The following NTRK3 variants were observed in gnomAD, a reference collection of about 807,000 sequenced individuals.
The protein encoded by NTRK3 is NT-3 growth factor receptor.
Under a neutral mutation model 91.7 loss-of-function variants are expected in NTRK3, and 24 were observed. That is an observed-to-expected ratio of 0.26 (90% CI 0.19 to 0.37). The LOEUF is 0.37. Ranked by LOEUF, NTRK3 falls within the 10% of genes least tolerant of loss-of-function variation. The pLI is 1.00. For synonymous variants in NTRK3, 483 were observed against 404.0 expected, an observed-to-expected ratio of 1.20 and a Z score of -2.34; for missense variants, 880 against 1,068.9, an observed-to-expected ratio of 0.82 and a Z score of 2.46.
chr15:88,041,142 T>G (rs188552037), intron 13 of NTRK3, among the ~76,000 whole-genome samples: 1 of 152,204 alleles, frequency 6.6e-6, no homozygotes, highest in Non-Finnish European at 1.5e-5. Flanking sequence ...TCCCCTGTGA[T>G]TGGGGCTAAA....
intron 17 of NTRK3, 113 bp from the exon 19 acceptor site, chr15:87,880,541 G>C (rs1403072129): frequency 5.6e-6 from 7 of 1,241,564 alleles, no homozygotes; most frequent in Non-Finnish European, 8.0e-6. Flanking sequence ...TTCTAAGATA[G>C]TCACAGCTTT....
intron 5 of NTRK3, among the ~76,000 whole-genome samples, chr15:88,176,192 A>C (rs1329209817): frequency 7.7e-6 from 1 of 129,954 alleles, no homozygotes; most frequent in African/African-American, 3.1e-5. Flanking sequence ...GCTGGAGCCC[A>C]GTGGCATGAT....
At chr15:87,938,738 A>G (rs1329349736) in intron 15 of NTRK3, among the ~76,000 whole-genome samples, 2 of 152,158 alleles carry the variant, frequency 1.3e-5, no homozygotes, top group East Asian at 3.8e-4. Flanking sequence ...CACCCCGTGG[A>G]TTAGTGTCAT....
chr15:88,157,602 C>T (rs753143422), intron 5 of NTRK3, among the ~76,000 whole-genome samples: 5 of 151,932 alleles, frequency 3.3e-5, no homozygotes, highest in African/African-American at 4.8e-5. Context: ...CAAACCTTCA[C>T]GTCTCTGCGC....
At chr15:88,127,070 T>G (rs936722973) in intron 12 of NTRK3, 92 bp downstream of exon 12, 6 of 1,129,402 alleles carry the variant, frequency 5.3e-6, no homozygotes, top group African/African-American at 1.5e-5. Context: ...AAGTTTCAAG[T>G]AAGATAATAT....
At chr15:88,195,113 G>T (rs1033823189) in intron 3 of NTRK3, among the ~76,000 whole-genome samples, 1 of 152,114 alleles carries the variant, frequency 6.6e-6, no homozygotes, top group Admixed American at 6.5e-5. Context: ...GGTGTCTAGC[G>T]GGGTGAGGCC....
intron 13 of NTRK3, among the ~76,000 whole-genome samples, chr15:88,113,816 A>G (rs2051725668): frequency 6.6e-6 from 1 of 152,192 alleles, no homozygotes; most frequent in African/African-American, 2.4e-5. Flanking sequence ...ATGGCCAGCA[A>G]AGTCTAAAAT....
At chr15:88,067,947 C>T (rs765837317) in intron 13 of NTRK3, among the ~76,000 whole-genome samples, 23 of 152,056 alleles carry the variant, frequency 1.5e-4, no homozygotes, top group African/African-American at 5.6e-4. Context: ...GTTGTTATAC[C>T]TTTTACAGCA....
chr15:88,159,083 A>T (rs951461378), intron 5 of NTRK3, among the ~76,000 whole-genome samples: 2 of 152,210 alleles, frequency 1.3e-5, no homozygotes, highest in Non-Finnish European at 2.9e-5. Context: ...GGGTCCCCAA[A>T]GGCTGGTGGG....
chr15:87,902,191 T>C (rs2066496723), intron 17 of NTRK3, among the ~76,000 whole-genome samples: 1 of 152,162 alleles, frequency 6.6e-6, no homozygotes, highest in Non-Finnish European at 1.5e-5. Context: ...ATAGACAGAT[T>C]GGAAAAAAGA....
At chr15:88,116,866 AC>A (rs1393562788) in intron 13 of NTRK3, among the ~76,000 whole-genome samples, 6 of 152,196 alleles carry the variant, frequency 3.9e-5, no homozygotes, top group Non-Finnish European at 7.3e-5. Context: ...AATTGCTTGT[AC>A]CCCAATCACC....
At chr15:88,141,904 G>T (rs892870909) in intron 6 of NTRK3, among the ~76,000 whole-genome samples, 1 of 152,254 alleles carries the variant, frequency 6.6e-6, no homozygotes, top group African/African-American at 2.4e-5. Context: ...CAGCAGATGG[G>T]ATGCACCTTG....
intron 5 of NTRK3, among the ~76,000 whole-genome samples, chr15:88,173,304 T>C (rs2045696603): frequency 6.6e-6 from 1 of 152,178 alleles, no homozygotes; most frequent in South Asian, 2.1e-4. Flanking sequence ...TTGGAGCTTA[T>C]CTACTCTGGC....
chr15:88,014,782 G>A (rs1260212398), intron 14 of NTRK3, among the ~76,000 whole-genome samples: 1 of 152,148 alleles, frequency 6.6e-6, no homozygotes, highest in Non-Finnish European at 1.5e-5. Context: ...GCAGGAACAC[G>A]GTCTCTGATT....
chr15:88,052,293 T>C (rs979513890), intron 13 of NTRK3, among the ~76,000 whole-genome samples: 7 of 152,232 alleles, frequency 4.6e-5, no homozygotes, highest in Non-Finnish European at 1.0e-4. Context: ...GACATCAGCA[T>C]GGCTGCCATT....
At chr15:88,028,120 G>C (rs1596800191) in intron 14 of NTRK3, among the ~76,000 whole-genome samples, 1 of 151,920 alleles carries the variant, frequency 6.6e-6, no homozygotes, top group South Asian at 2.1e-4. Context: ...AGGAATAAAG[G>C]CTGGTGAGTC....
At chr15:87,900,390 A>T (rs1326636411) in intron 17 of NTRK3, among the ~76,000 whole-genome samples, 1 of 152,202 alleles carries the variant, frequency 6.6e-6, no homozygotes, top group Non-Finnish European at 1.5e-5. Context: ...TGGCACCAAG[A>T]TAAACCAGGA....
At chr15:88,248,978 C>A in intron 3 of NTRK3, among the ~76,000 whole-genome samples, 1 of 151,942 alleles carries the variant, frequency 6.6e-6, no homozygotes, top group South Asian at 2.1e-4. Context: ...AAATTGAGAC[C>A]CAGAGGAGGA....
At chr15:87,916,536 G>T in intron 17 of NTRK3, 1 of 702,216 alleles carries the variant, frequency 1.4e-6, no homozygotes, top group Non-Finnish European at 2.6e-6. Flanking sequence ...TTTTTCCCCA[G>T]TATCAGTCCT....
Sources: allele counts gnomAD v4.1 joint callset (sites outside exome capture counted in the v4.1 genomes callset), GRCh38; gene constraint gnomAD v4.1.1; transcripts MANE v1.5; gene names NCBI Gene and HGNC (gene_info 2026-07-23, HGNC 2026-07-21).